The following PRDM14 variants were observed in gnomAD, a reference collection of about 807,000 sequenced individuals.
PRDM14 encodes the protein PR domain zinc finger protein 14.
A neutral mutation model predicts 48.0 loss-of-function variants in PRDM14; 16 were observed. That is an observed-to-expected ratio of 0.33 (90% confidence interval 0.23 to 0.51). The LOEUF (loss-of-function observed/expected upper bound fraction) is 0.51. Among genes scored for constraint, PRDM14 ranks in the 20% least tolerant of loss-of-function variants. The probability of loss-of-function intolerance (pLI) is 0.97; values close to 1 mark genes in which losing one functional copy is unlikely to be tolerated. For synonymous variants in PRDM14, 264 were observed against 276.6 expected (o/e 0.95, Z 0.45); for missense variants, 566 against 719.6 (o/e 0.79, Z 2.44).
intron 7 of PRDM14, among the ~76,000 whole-genome samples, chr8:70,052,924 C>T (rs1281356730): frequency 7.6e-6 from 1 of 132,144 alleles, no homozygotes; most frequent in Admixed American, 7.8e-5. Context: ...CATAGCAATA[C>T]CTCACCTCTA....
intron 5 of PRDM14, among the ~76,000 whole-genome samples, chr8:70,060,943 T>C (rs960543082): frequency 6.6e-5 from 10 of 152,200 alleles, no homozygotes; most frequent in South Asian, 2.1e-4. Flanking sequence ...TCTTTATGTA[T>C]AGAGTAAGGT....
chr8:70,055,374 G>A lies in PRDM14; in HGVS notation c.1414C>T (p.Gln472Ter), dbSNP rs1462829390. 6.2e-7 allele frequency: 1 copy of A among 1,600,216 alleles called. No individual in the cohort carries two copies. The highest frequency in any genetic ancestry group is 8.6e-7 in the Non-Finnish European group (1 of 1,167,714). The change falls in exon 7 of 8, where the codon CAA (glutamine) becomes TAA (stop). Residue 472 changes from glutamine to a stop codon, truncating the protein, a stop_gained. Transcript: ENST00000276594. LOFTEE classifies it high-confidence loss of function. ...KCSTCGKCFS[Q>*]SSSLNKHMRV... Reference sequence around the variant, plus strand: ...ATGTGTTTGTTTAGGCTGGAAGATTGAGAGAAACATTTCCCACATGTAGAA... The same window carrying A: ...ATGTGTTTGTTTAGGCTGGAAGATTAAGAGAAACATTTCCCACATGTAGAA...
chr8:70,060,794 A>T (rs1805568472), intron 5 of PRDM14, among the ~76,000 whole-genome samples: 1 of 152,072 alleles, frequency 6.6e-6, no homozygotes, highest in Non-Finnish European at 1.5e-5. Context: ...TGTGCCTTTA[A>T]GATCAGCCTG....
At chr8:70,053,802 G>A (rs1368648807) in intron 7 of PRDM14, among the ~76,000 whole-genome samples, 1 of 152,180 alleles carries the variant, frequency 6.6e-6, no homozygotes, top group Non-Finnish European at 1.5e-5. Context: ...AGGCTTAGAA[G>A]TAGCTGTAGG....
chr8:70,069,542 C>T lies in PRDM14; in HGVS notation c.319G>A (p.Val107Ile), dbSNP rs373507385. Residue 107 changes from valine to isoleucine, a missense_variant, in exon 2 of 8, where the codon GTC (valine) becomes ATC (isoleucine). Val to Ile is a conservative substitution (Grantham distance 29, BLOSUM62 3). Coordinates refer to ENST00000276594, the MANE Select transcript of PRDM14 (RefSeq NM_024504.4). Reference sequence around the variant, plus strand: ...AGGAAGGGCGGCACTTCCCTGGGGACGTGGGGAATTGGGTACCACGGTGGC... The same window carrying T: ...AGGAAGGGCGGCACTTCCCTGGGGATGTGGGGAATTGGGTACCACGGTGGC... ...KLPPWYPIPH[V>I]PREVPPFLSS... The T allele has an allele frequency of 3.5e-5, 56 of 1,608,270 alleles. No homozygotes were observed. Among genetic ancestry groups the T allele is most frequent in the Non-Finnish European group, 4.5e-5 (53 of 1,177,094 alleles).
chr8:70,053,396 GTTT>G (rs2131033735), intron 7 of PRDM14, among the ~76,000 whole-genome samples: 1 of 151,766 alleles, frequency 6.6e-6, no homozygotes, highest in East Asian at 1.9e-4. Flanking sequence ...TTGTTTGTTT[GTTT>G]GTTTGTTTTG....
chr8:70,070,513 G>T (rs1384980101), intron 1 of PRDM14, among the ~76,000 whole-genome samples: 3 of 152,044 alleles, frequency 2.0e-5, no homozygotes, highest in African/African-American at 4.8e-5. Flanking sequence ...CCAGCGGTGT[G>T]ACCCCGCGGG....
In PRDM14 at chr8:70,068,654, G is replaced by T. The variant is rs923795632; in HGVS notation, c.701-122C>A. The stretch of plus-strand genomic sequence containing the variant: ...CATCCCAGTTTGATATTTATTTGTT[G>T]TTTCTATTTTTCCCTGCTCATTTTA... On this transcript the variant is annotated intron_variant, in intron 2 of 7. Coordinates refer to ENST00000276594, the MANE Select transcript of PRDM14 (RefSeq NM_024504.4). The T allele has an allele frequency of 6.9e-5, 57 of 830,494 alleles. No individual in the cohort carries two copies. In the African/African-American group the frequency reaches 9.2e-4, roughly 13 times the overall value. 51.4% of individuals were successfully genotyped at this position (830,494 alleles called of 1,614,324 possible).
At chr8:70,052,374 A>AG in intron 7 of PRDM14, 70 bp from the exon 8 acceptor site, 6 of 1,280,210 alleles carry the variant, frequency 4.7e-6, no homozygotes, top group Non-Finnish European at 6.6e-6. Flanking sequence ...AATTAAACTA[A>AG]GGGGTAAATT....
chr8:70,060,124 G>A (rs1805551205), intron 5 of PRDM14, among the ~76,000 whole-genome samples: 1 of 147,274 alleles, frequency 6.8e-6, no homozygotes, highest in African/African-American at 2.5e-5. Flanking sequence ...AATTGTGCCA[G>A]GTGCAGTGGC....
intron 4 of PRDM14, among the ~76,000 whole-genome samples, chr8:70,067,939 T>G (rs1322056834): frequency 6.6e-6 from 1 of 152,204 alleles, no homozygotes; most frequent in African/African-American, 2.4e-5. Context: ...TTTAGTTTTG[T>G]CTATAAATAT....
intron 7 of PRDM14, among the ~76,000 whole-genome samples, chr8:70,055,049 T>A (rs2131034631): frequency 6.6e-6 from 1 of 152,308 alleles, no homozygotes; most frequent in Non-Finnish European, 1.5e-5. Context: ...ATGTAATAGG[T>A]CATCAGGTCC....
At position 70,051,828 on chromosome 8, in the gene PRDM14, G is replaced by A. The variant is rs1390389437; in HGVS notation, c.*249C>T. 5 of 408,364 alleles carry A rather than the reference G, an allele frequency of 1.2e-5. No individual in the cohort carries two copies. The highest frequency in any genetic ancestry group is 7.9e-5 in the African/African-American group (4 of 50,608). The allele number at this position is 408,364 out of a possible 1,614,324, so 25.3% of individuals were successfully genotyped here. ...GTTCTGTCACCCAGGTTGAAAAGCA[G>A]TGGGGCGATCTCAGCTCACAGCAAC... On this transcript the variant is annotated 3_prime_UTR_variant, in exon 8 of 8. Transcript: ENST00000276594.
At chr8:70,053,010 G>A (rs941712459) in intron 7 of PRDM14, among the ~76,000 whole-genome samples, 2 of 146,612 alleles carry the variant, frequency 1.4e-5, no homozygotes, top group Non-Finnish European at 1.5e-5. Flanking sequence ...GAGGTGGGAG[G>A]ATAACTTGAG....
intron 2 of PRDM14, 55 bp from the exon 3 acceptor site, chr8:70,068,587 T>C: frequency 6.9e-7 from 1 of 1,444,318 alleles, no homozygotes; most frequent in Non-Finnish European, 9.7e-7. Flanking sequence ...ATAAAGTGCT[T>C]TTATGAGGTG....
chr8:70,070,176 C>T (rs1805742838), intron 1 of PRDM14, among the ~76,000 whole-genome samples: 1 of 152,208 alleles, frequency 6.6e-6, no homozygotes, highest in African/African-American at 2.4e-5. Flanking sequence ...CTTCCCTAAG[C>T]CCGGCCGCCT....
chr8:70,070,314 G>C (rs370846089), intron 1 of PRDM14, among the ~76,000 whole-genome samples: 2,285 of 152,294 alleles, frequency 0.015, 63 homozygotes, highest in African/African-American at 0.052. Flanking sequence ...GCGGGGCCCT[G>C]CCAACCTCGG....
chr8:70,056,550 C>T (rs999117654), intron 6 of PRDM14, among the ~76,000 whole-genome samples: 1 of 151,996 alleles, frequency 6.6e-6, no homozygotes, highest in Non-Finnish European at 1.5e-5. Flanking sequence ...AGCATGATCT[C>T]GGCCCACCGC....
chr8:70,063,955 T>C (rs911175448), intron 5 of PRDM14, among the ~76,000 whole-genome samples: 3 of 152,170 alleles, frequency 2.0e-5, no homozygotes, highest in African/African-American at 4.8e-5. Context: ...CCTCCATTCC[T>C]ATCTTCACCT....
Sources: gnomAD v4.1 joint callset for allele counts (sites outside exome capture counted in the v4.1 genomes callset) on GRCh38, gnomAD v4.1.1 for gene constraint, MANE v1.5 for transcripts, NCBI Gene and HGNC (gene_info 2026-07-23, HGNC 2026-07-21) for gene names.